Variants in CRTC3 observed in about 807,000 individuals in gnomAD.
CRTC3 encodes the protein CREB regulated transcription coactivator 3, also known as CREB-regulated transcription coactivator 3.
CRTC3 carries 26 observed loss-of-function variants against 74.5 expected under a neutral mutation model. The ratio of observed to expected loss-of-function variants is 0.35; its 90% CI spans 0.26 to 0.48. The LOEUF is 0.48. Among genes scored for constraint, CRTC3 ranks in the 20% least tolerant of loss-of-function variants. The pLI, the probability that CRTC3 is intolerant of heterozygous loss-of-function variation, is 0.99. For synonymous variants in CRTC3, 377 were observed against 325.8 expected (o/e 1.16, Z -1.69); for missense variants, 760 against 787.3 (o/e 0.97, Z 0.41).
chr15:90,560,855 T>C (rs941302502), intron 2 of CRTC3, among the ~76,000 whole-genome samples: 23 of 152,334 alleles, frequency 1.5e-4, no homozygotes, highest in African/African-American at 5.1e-4. Flanking sequence ...TGTAAGCCGC[T>C]TGGGGGGTTC....
intron 2 of CRTC3, among the ~76,000 whole-genome samples, chr15:90,578,609 A>C (rs914998090): frequency 3.9e-5 from 6 of 152,186 alleles, no homozygotes; most frequent in African/African-American, 1.4e-4. Flanking sequence ...GAGTTATATT[A>C]TACACATATG....
In CRTC3 at chr15:90,614,799, C is replaced by T. The variant is rs145261673; in HGVS notation, c.613+311C>T. ...AATGAATTGGCCTGGCACAGTGGCTCATGCCTGTAATCCCAGCACTTTGGG... is the reference window on the plus strand; with the variant it reads ...AATGAATTGGCCTGGCACAGTGGCTTATGCCTGTAATCCCAGCACTTTGGG... On this transcript the variant is annotated intron_variant, in intron 7 of 14. Coordinates refer to ENST00000268184, the MANE Select transcript of CRTC3 (RefSeq NM_022769.5). 8.3e-4 allele frequency among the ~76,000 whole-genome samples: 127 copies of T among 152,306 alleles called. 3 individuals carry two copies. The East Asian group carries it at 0.015, about 18-fold the overall frequency.
rs1182731255 is a variant in CRTC3 at position 90,645,255 on chromosome 15, T to C, written c.*3115T>C. ...CACCCTGTTCAACCATATTTAAAAA[T>C]TGGAATTTGTATAAAGTTGCTTCCA... On this transcript the variant is annotated 3_prime_UTR_variant, in exon 15 of 15. Transcript: ENST00000268184. 8.9e-6 allele frequency: 2 copies of C among 224,788 alleles called. No individual in the cohort carries two copies. Among genetic ancestry groups the C allele is most frequent in the Non-Finnish European group, 1.8e-5 (2 of 112,660 alleles). The allele number at this position is 224,788 out of a possible 1,614,324, so 13.9% of individuals were successfully genotyped here.
At chr15:90,575,347 G>T (rs146319844) in intron 2 of CRTC3, among the ~76,000 whole-genome samples, 2 of 152,030 alleles carry the variant, frequency 1.3e-5, no homozygotes, top group African/African-American at 4.8e-5. Context: ...ATGAAACTCC[G>T]TCTCAAAAAA....
intron 1 of CRTC3, among the ~76,000 whole-genome samples, chr15:90,533,845 CA>C (rs1245395370): frequency 1.6e-4 from 24 of 152,152 alleles, no homozygotes; most frequent in African/African-American, 5.1e-4. Flanking sequence ...CCTAAAGGCT[CA>C]GGGGGAGTGG....
At chr15:90,612,419 G>T (rs1968385195) in intron 6 of CRTC3, among the ~76,000 whole-genome samples, 1 of 151,886 alleles carries the variant, frequency 6.6e-6, no homozygotes, top group South Asian at 2.1e-4. Context: ...ACTCCATGAA[G>T]CCTTCCTTCT....
At position 90,625,874 on chromosome 15, in the gene CRTC3, C is replaced by T. The variant is rs747798827; in HGVS notation, c.848C>T (p.Ser283Leu). 8.1e-6 allele frequency: 13 copies of T among 1,614,056 alleles called. No homozygotes were observed. The highest frequency in any genetic ancestry group is 1.6e-4 in the Middle Eastern group (1 of 6,084). Residue 283 changes from serine to leucine, a missense_variant, in exon 10 of 15, where the codon TCG (serine) becomes TTG (leucine). Coordinates refer to ENST00000268184, the MANE Select transcript of CRTC3 (RefSeq NM_022769.5). ...SLPDLTNLHY[S>L]TPLPASLDTT... ...CCAGATCTAACCAACCTCCACTACT[C>T]GACACCCCTGCCAGCCTCCCTGGAC...
At chr15:90,586,336 A>G (rs1001988529) in intron 2 of CRTC3, among the ~76,000 whole-genome samples, 6 of 130,232 alleles carry the variant, frequency 4.6e-5, no homozygotes, top group African/African-American at 1.7e-4. Flanking sequence ...TGTTTTTAAT[A>G]TATTTTTTAA....
chr15:90,596,716 C>T lies in CRTC3; in HGVS notation c.351+2961C>T, dbSNP rs140391376. Reference sequence around the variant, plus strand: ...GGCTGTGATTCCGTCTTTGCTTTCACGACCTGCATTCTGTTGGTTGTGAAA... The same window carrying T: ...GGCTGTGATTCCGTCTTTGCTTTCATGACCTGCATTCTGTTGGTTGTGAAA... On this transcript the variant is annotated intron_variant, in intron 3 of 14. Transcript: ENST00000268184. Among the ~76,000 whole-genome samples the T allele has an allele frequency of 7.0e-4, 106 of 152,286 alleles. 1 individual carries two copies. The highest frequency in any genetic ancestry group is 5.0e-3 in the East Asian group (26 of 5,190).
intron 4 of CRTC3, among the ~76,000 whole-genome samples, chr15:90,602,971 T>A (rs184941558): frequency 6.6e-6 from 1 of 151,624 alleles, no homozygotes; most frequent in African/African-American, 2.4e-5. Flanking sequence ...AGACTCCATC[T>A]CAAAAAACAA....
At chr15:90,532,875 A>G (rs946737951) in intron 1 of CRTC3, among the ~76,000 whole-genome samples, 4 of 151,572 alleles carry the variant, frequency 2.6e-5, no homozygotes, top group Non-Finnish European at 5.9e-5. Flanking sequence ...TCACGAGGTC[A>G]AGAGATCGAG....
intron 2 of CRTC3, among the ~76,000 whole-genome samples, chr15:90,544,258 TTGTCTG>T (rs1191341655): frequency 4.6e-5 from 7 of 152,210 alleles, no homozygotes; most frequent in African/African-American, 1.7e-4. Context: ...TCTTCATTGT[TTGTCTG>T]TGTCTGTGTT....
chr15:90,560,802 G>A (rs1176435884), intron 2 of CRTC3, among the ~76,000 whole-genome samples: 2 of 152,184 alleles, frequency 1.3e-5, no homozygotes, highest in Non-Finnish European at 2.9e-5. Flanking sequence ...CACCCTGCAG[G>A]TTCAGGTTTA....
intron 2 of CRTC3, among the ~76,000 whole-genome samples, chr15:90,575,761 T>C (rs1967389027): frequency 6.6e-6 from 1 of 152,228 alleles, no homozygotes; most frequent in Non-Finnish European, 1.5e-5. Context: ...TTAATTCACT[T>C]TCATGCTGCT....
chr15:90,618,918 C>T (rs1968565044), intron 8 of CRTC3, among the ~76,000 whole-genome samples: 2 of 152,298 alleles, frequency 1.3e-5, no homozygotes, highest in East Asian at 1.9e-4. Context: ...ATAACTATGT[C>T]TTCTCCACCA....
At chr15:90,538,903 C>T (rs780318258) in intron 1 of CRTC3, among the ~76,000 whole-genome samples, 27 of 152,000 alleles carry the variant, frequency 1.8e-4, no homozygotes, top group Non-Finnish European at 3.7e-4. Context: ...CTGCTAGCCA[C>T]GTGGCAAGTC....
In CRTC3 at chr15:90,642,069, A is replaced by G. The variant is rs777546566; in HGVS notation, c.1789A>G (p.Met597Val). Reference protein sequence around the residue: ...IEPLSLDGLNMLSDSSMGLLD... With the variant: ...IEPLSLDGLNVLSDSSMGLLD... ...ACCCCTGAGCCTGGACGGACTCAAC[A>G]TGTTAAGTGACTCCAGCATGGGCCT... is the stretch of plus-strand genomic sequence containing the variant. Residue 597 changes from methionine (M) to valine (V), a missense_variant, in exon 15 of 15, where the codon ATG becomes GTG. Coordinates refer to ENST00000268184, the MANE Select transcript of CRTC3 (RefSeq NM_022769.5). 14 of 1,613,978 alleles carry G rather than the reference A, an allele frequency of 8.7e-6. No individual in the cohort carries two copies. The highest frequency in any genetic ancestry group is 1.1e-5 in the South Asian group (1 of 91,088).
At chr15:90,565,706 G>A (rs1967108449) in intron 2 of CRTC3, among the ~76,000 whole-genome samples, 1 of 152,146 alleles carries the variant, frequency 6.6e-6, no homozygotes, top group African/African-American at 2.4e-5. Flanking sequence ...ATGGTGATCT[G>A]TAATCGGTGA....
At chr15:90,608,705 A>T (rs1968289284) in intron 6 of CRTC3, among the ~76,000 whole-genome samples, 1 of 152,192 alleles carries the variant, frequency 6.6e-6, no homozygotes, top group Non-Finnish European at 1.5e-5. Flanking sequence ...TCCAGCCCCT[A>T]GCACAGTGCC....
Sources: gnomAD v4.1 joint callset for allele counts (sites outside exome capture counted in the v4.1 genomes callset) on GRCh38, gnomAD v4.1.1 for gene constraint, MANE v1.5 for transcripts, NCBI Gene and HGNC (gene_info 2026-07-23, HGNC 2026-07-21) for gene names.